PDE4D: variants seen among roughly 807,000 people sequenced by gnomAD.
The protein encoded by PDE4D is 3',5'-cyclic-AMP phosphodiesterase 4D.
PDE4D carries 24 observed loss-of-function variants against 87.4 expected under a neutral mutation model. The observed-to-expected ratio is 0.27, with a 90% CI of 0.20 to 0.39. The LOEUF (loss-of-function observed/expected upper bound fraction) is 0.39, where lower values mean the gene tolerates loss of function less well. Ranked by LOEUF, PDE4D falls within the 10% of genes least tolerant of loss-of-function variation. PDE4D has a pLI of 1.00. For synonymous variants in PDE4D, 384 were observed against 383.2 expected, an observed-to-expected ratio of 1.00 and a Z score of -0.02; for missense variants, 714 against 1,041.0, an observed-to-expected ratio of 0.69 and a Z score of 4.32.
intron 1 of PDE4D, among the ~76,000 whole-genome samples, chr5:60,456,895 C>G (rs1336300205): frequency 6.6e-6 from 1 of 152,174 alleles, no homozygotes. Flanking sequence ...CACTCTCTAC[C>G]ACCTGATTTT....
chr5:59,064,033 T>C (rs1763522064), intron 5 of PDE4D, among the ~76,000 whole-genome samples: 1 of 151,940 alleles, frequency 6.6e-6, no homozygotes, highest in African/African-American at 2.4e-5. Context: ...GTTTGACTGT[T>C]GTCATTGTTG....
chr5:59,609,179 G>A (rs1485172322), intron 1 of PDE4D, among the ~76,000 whole-genome samples: 1 of 152,060 alleles, frequency 6.6e-6, no homozygotes, highest in East Asian at 1.9e-4. Context: ...GGAAGTAGAA[G>A]GATATAGATG....
At chr5:59,026,314 T>A (rs931626773) in intron 6 of PDE4D, among the ~76,000 whole-genome samples, 3 of 152,160 alleles carry the variant, frequency 2.0e-5, no homozygotes, top group Non-Finnish European at 4.4e-5. Flanking sequence ...TGAGAAATGC[T>A]CAGGATTCCT....
chr5:59,338,916 G>C (rs1778223145), intron 1 of PDE4D, among the ~76,000 whole-genome samples: 1 of 152,160 alleles, frequency 6.6e-6, no homozygotes, highest in South Asian at 2.1e-4. Context: ...AAAAGTAATT[G>C]TAAGACATAT....
At chr5:59,404,975 G>C (rs991922033) in intron 1 of PDE4D, among the ~76,000 whole-genome samples, 1 of 152,068 alleles carries the variant, frequency 6.6e-6, no homozygotes, top group Non-Finnish European at 1.5e-5. Context: ...TCCTGTTTTG[G>C]TTACTATAGC....
At chr5:60,386,530 C>T (rs1762203285) in intron 1 of PDE4D, among the ~76,000 whole-genome samples, 1 of 152,168 alleles carries the variant, frequency 6.6e-6, no homozygotes, top group Non-Finnish European at 1.5e-5. Flanking sequence ...TCTTTGCAGG[C>T]CCCTCTAGGT....
chr5:59,688,950 A>G (rs2150394258), intron 1 of PDE4D, among the ~76,000 whole-genome samples: 1 of 152,362 alleles, frequency 6.6e-6, no homozygotes, highest in East Asian at 1.9e-4. Context: ...ACCTCTATGC[A>G]AATAAACTAG....
intron 1 of PDE4D, among the ~76,000 whole-genome samples, chr5:59,781,984 C>T (rs1180580524): frequency 6.6e-6 from 1 of 151,928 alleles, no homozygotes. Flanking sequence ...AATGACCTCA[C>T]AAACAGAAAT....
intron 1 of PDE4D, among the ~76,000 whole-genome samples, chr5:59,669,913 C>A (rs1414205710): frequency 6.6e-6 from 1 of 152,132 alleles, no homozygotes; most frequent in Non-Finnish European, 1.5e-5. Flanking sequence ...GGCATGATTT[C>A]ATTTAACCCC....
At chr5:59,630,759 C>G (rs1831462769) in intron 1 of PDE4D, among the ~76,000 whole-genome samples, 2 of 152,282 alleles carry the variant, frequency 1.3e-5, no homozygotes, top group South Asian at 4.1e-4. Context: ...AGAAGTCCAA[C>G]TGCTGCCTAC....
In PDE4D at chr5:59,624,403, A is replaced by AT. The variant is rs796325619; in HGVS notation, c.455+268764dup. Among the ~76,000 whole-genome samples the AT allele has an allele frequency of 2.2e-4, 33 of 151,140 alleles. No individual in the cohort carries two copies. In the South Asian group the frequency reaches 3.6e-3, roughly 16 times the overall value. On this transcript the variant is annotated intron_variant, in intron 1 of 14. Transcript: ENST00000340635. ...TAAAAGATCTTCTCCCGAATTTGTC[A>AT]TTTTTTTTTCAGTCTCCTCCCTTTG...
intron 1 of PDE4D, among the ~76,000 whole-genome samples, chr5:60,367,009 C>T (rs1217816300): frequency 6.6e-6 from 1 of 152,182 alleles, no homozygotes; most frequent in Non-Finnish European, 1.5e-5. Flanking sequence ...CAAGCTCCAA[C>T]CACTCATCCT....
intron 5 of PDE4D, among the ~76,000 whole-genome samples, chr5:59,171,142 A>G (rs1466905676): frequency 6.6e-6 from 1 of 152,046 alleles, no homozygotes; most frequent in Non-Finnish European, 1.5e-5. Context: ...TCAGCCTCCC[A>G]AACTGCTGGG....
intron 3 of PDE4D, among the ~76,000 whole-genome samples, chr5:59,914,799 C>T (rs764784521): frequency 8.3e-5 from 12 of 145,014 alleles, no homozygotes; most frequent in Admixed American, 3.5e-4. Context: ...TGGCTTGGCC[C>T]GGCGTGGAAG....
chr5:60,406,679 G>A (rs982731870), intron 1 of PDE4D, among the ~76,000 whole-genome samples: 2 of 152,070 alleles, frequency 1.3e-5, no homozygotes, highest in African/African-American at 2.4e-5. Context: ...TATTACAATT[G>A]TGTTTCTTTA....
chr5:59,773,917 A>G (rs988610635), intron 1 of PDE4D, among the ~76,000 whole-genome samples: 11 of 152,188 alleles, frequency 7.2e-5, no homozygotes, highest in Non-Finnish European at 1.5e-4. Flanking sequence ...AAGAAAATAA[A>G]TACTAAGAAT....
At position 60,097,385 on chromosome 5, in the gene PDE4D, A is replaced by G. The variant is rs1212016322; in HGVS notation, c.42+88172T>C. On this transcript the variant is annotated intron_variant, in intron 2 of 16. Coordinates refer to the PDE4D transcript ENST00000502484. ...TGCAGTATGAAGCCCTGCCTTTCTG[A>G]TCTCAAATCCCATTCACATCTGAAA... Among the ~76,000 whole-genome samples, 4 of 152,014 alleles carry G rather than the reference A, an allele frequency of 2.6e-5. No individual in the cohort carries two copies. In the East Asian group the frequency reaches 5.8e-4, roughly 22 times the overall value.
intron 1 of PDE4D, among the ~76,000 whole-genome samples, chr5:59,401,478 A>ATCTATCTATCTGTCTGTCTG (rs1554161243): frequency 0.04 from 5,996 of 150,954 alleles, 149 homozygotes; most frequent in East Asian, 0.073. Flanking sequence ...CTATCTATCT[A>ATCTATCTATCTGTCTGTCTG]TCTATCTATT....
chr5:59,059,548 C>G (rs909681913), intron 5 of PDE4D, among the ~76,000 whole-genome samples: 14 of 152,152 alleles, frequency 9.2e-5, no homozygotes, highest in African/African-American at 2.7e-4. Flanking sequence ...GAGCATCAGA[C>G]AGTTTTCAGG....
Sources: allele counts gnomAD v4.1 joint callset (sites outside exome capture counted in the v4.1 genomes callset), GRCh38; gene constraint gnomAD v4.1.1; transcripts MANE v1.5; gene names NCBI Gene and HGNC (gene_info 2026-07-23, HGNC 2026-07-21).